INSL6: variants seen among roughly 807,000 people sequenced by gnomAD.
The protein encoded by INSL6 is insulin-like peptide INSL6.
INSL6 carries 16 observed loss-of-function variants against 9.4 expected under a neutral mutation model. The ratio of observed to expected loss-of-function variants is 1.70; its 90% CI spans 1.15 to 2.59. The LOEUF (loss-of-function observed/expected upper bound fraction) is 2.59, where lower values mean the gene tolerates loss of function less well. Ranked by LOEUF, INSL6 falls within the 30% of genes most tolerant of loss-of-function variation. INSL6 has a pLI of 0.00. For synonymous variants in INSL6, 154 were observed against 96.9 expected (o/e 1.59, Z -3.46); for missense variants, 391 against 257.3 (o/e 1.52, Z -3.56).
chr9:5,001,490 G>C, the INSL6 span, among the ~76,000 whole-genome samples: 1 of 152,084 alleles, frequency 6.6e-6, no homozygotes, highest in Non-Finnish European at 1.5e-5. Flanking sequence ...AAATTGCATT[G>C]ATTCATTTTC....
downstream of INSL6, among the ~76,000 whole-genome samples, chr9:5,163,703 T>C (rs550857073): frequency 6.6e-6 from 1 of 152,264 alleles, no homozygotes. Context: ...CATCTCCAGA[T>C]CTTCAAAAAG....
chr9:5,101,908 C>CAAAG, the INSL6 span, among the ~76,000 whole-genome samples: 1 of 152,144 alleles, frequency 6.6e-6, no homozygotes, highest in Non-Finnish European at 1.5e-5. Flanking sequence ...TTACCAGCAC[C>CAAAG]AAAGACCAAA....
chr9:5,025,827 T>C, the INSL6 span, among the ~76,000 whole-genome samples: 1 of 152,214 alleles, frequency 6.6e-6, no homozygotes, highest in Non-Finnish European at 1.5e-5. Context: ...CCAGAATCTA[T>C]TTCTTTAATG....
chr9:5,062,745 T>C, the INSL6 span, among the ~76,000 whole-genome samples: 1 of 152,110 alleles, frequency 6.6e-6, no homozygotes, highest in Admixed American at 6.5e-5. Flanking sequence ...GTTATCAATC[T>C]TTTAATTTTT....
At chr9:5,085,683 A>G in the INSL6 span, 43 of 738,762 alleles carry the variant, frequency 5.8e-5, no homozygotes, top group South Asian at 5.4e-4. Flanking sequence ...TGCATTATCA[A>G]TAACGTCATC....
chr9:5,161,879 G>C (rs1393779443), downstream of INSL6, among the ~76,000 whole-genome samples: 1 of 151,758 alleles, frequency 6.6e-6, no homozygotes, highest in African/African-American at 2.4e-5. Context: ...CAGGAGCCCG[G>C]AGACCAGCCT....
At chr9:5,115,833 C>T in the INSL6 span, among the ~76,000 whole-genome samples, 1 of 152,080 alleles carries the variant, frequency 6.6e-6, no homozygotes, top group African/African-American at 2.4e-5. Flanking sequence ...CACTTGTTCT[C>T]GCTGATAAGT....
the INSL6 span, chr9:5,080,824 T>C: frequency 1.9e-6 from 1 of 518,608 alleles, no homozygotes; most frequent in Non-Finnish European, 3.3e-6. Context: ...CATATGGCTT[T>C]TCATGCTTTA....
At chr9:5,001,442 G>T in the INSL6 span, among the ~76,000 whole-genome samples, 1 of 152,036 alleles carries the variant, frequency 6.6e-6, no homozygotes, top group Non-Finnish European at 1.5e-5. Context: ...CAATTGGGAC[G>T]ATCTTATGGT....
intron 1 of INSL6, among the ~76,000 whole-genome samples, chr9:5,169,220 C>T (rs879606246): frequency 2.0e-5 from 3 of 152,162 alleles, no homozygotes; most frequent in Non-Finnish European, 4.4e-5. Context: ...GCCACTGCAC[C>T]CAGCAGATAT....
chr9:5,002,016 T>A, the INSL6 span, among the ~76,000 whole-genome samples: 1 of 152,010 alleles, frequency 6.6e-6, no homozygotes, highest in Non-Finnish European at 1.5e-5. Flanking sequence ...TGTAGCGATA[T>A]CCTGCTTTTT....
chr9:5,115,027 A>C, the INSL6 span, among the ~76,000 whole-genome samples: 1 of 152,194 alleles, frequency 6.6e-6, no homozygotes, highest in Non-Finnish European at 1.5e-5. Context: ...TTCATGACTA[A>C]AACACCAAAA....
chr9:5,149,613 C>A (rs894502856), intron 2 of INSL6, among the ~76,000 whole-genome samples: 1 of 152,022 alleles, frequency 6.6e-6, no homozygotes, highest in South Asian at 2.1e-4. Flanking sequence ...AATGGAAAAA[C>A]GGCTGATGCT....
downstream of INSL6, chr9:5,123,093 A>G (rs745914121): frequency 1.9e-6 from 3 of 1,609,112 alleles, no homozygotes; most frequent in Non-Finnish European, 2.5e-6. Context: ...CTTTTCACAT[A>G]CATTGAGAAG....
the INSL6 span, among the ~76,000 whole-genome samples, chr9:5,065,413 T>G: frequency 6.6e-6 from 1 of 152,172 alleles, no homozygotes; most frequent in South Asian, 2.1e-4. Context: ...GTCCATCTCC[T>G]TCTACTGAAA....
intron 1 of INSL6, among the ~76,000 whole-genome samples, chr9:5,170,810 T>A (rs1203812079): frequency 6.6e-6 from 1 of 152,098 alleles, no homozygotes; most frequent in East Asian, 1.9e-4. Flanking sequence ...AATCCCTGAA[T>A]AGACTAATAA....
At chr9:5,089,962 A>G in the INSL6 span, 6 of 730,106 alleles carry the variant, frequency 8.2e-6, no homozygotes, top group Non-Finnish European at 1.2e-5. Flanking sequence ...ACTTATGCCA[A>G]TGCCCAGAGG....
the INSL6 span, among the ~76,000 whole-genome samples, chr9:5,039,601 TAAAA>T: frequency 2.6e-5 from 4 of 152,038 alleles, no homozygotes; most frequent in African/African-American, 7.2e-5. Flanking sequence ...AAGGAATTAA[TAAAA>T]AAACTATTAG....
the INSL6 span, among the ~76,000 whole-genome samples, chr9:5,075,600 A>G: frequency 2.0e-5 from 3 of 152,172 alleles, no homozygotes; most frequent in Non-Finnish European, 2.9e-5. Flanking sequence ...CCCATTGTTG[A>G]GACCTGCTCA....
Sources: gnomAD v4.1 joint callset for allele counts (sites outside exome capture counted in the v4.1 genomes callset) on GRCh38, gnomAD v4.1.1 for gene constraint, MANE v1.5 for transcripts, NCBI Gene and HGNC (gene_info 2026-07-23, HGNC 2026-07-21) for gene names.